The following USP15 variants were observed in gnomAD, a reference collection of about 807,000 sequenced individuals.
The protein encoded by USP15 is ubiquitin carboxyl-terminal hydrolase 15.
Under a neutral mutation model 127.1 loss-of-function variants are expected in USP15, and 18 were observed. That is an observed-to-expected ratio of 0.14 (90% CI 0.10 to 0.21). The LOEUF is 0.21. Ranked by LOEUF, USP15 falls within the 10% of genes least tolerant of loss-of-function variation. The pLI is 1.00. For synonymous variants in USP15, 364 were observed against 393.7 expected (o/e 0.92, Z 0.89); for missense variants, 805 against 1,159.9 (o/e 0.69, Z 4.44).
intron 3 of USP15, among the ~76,000 whole-genome samples, chr12:62,306,874 A>G (rs1259900347): frequency 6.6e-6 from 1 of 152,162 alleles, no homozygotes; most frequent in South Asian, 2.1e-4. Context: ...GCCTCACAGT[A>G]CTATTCAGAC....
chr12:62,260,602 A>G, intron 1 of USP15, 99 bp downstream of exon 1: 1 of 1,231,778 alleles, frequency 8.1e-7, no homozygotes, highest in Non-Finnish European at 1.1e-6. Flanking sequence ...AGGTGCGGGC[A>G]GGTCCGGCGG....
At chr12:62,353,470 C>CGT (rs745633337) in intron 7 of USP15, among the ~76,000 whole-genome samples, 27 of 151,134 alleles carry the variant, frequency 1.8e-4, no homozygotes, top group African/African-American at 3.6e-4. Flanking sequence ...AGTCTTTTCA[C>CGT]GTGTGTGTGT....
At chr12:62,391,060 A>G in intron 15 of USP15, 81 bp downstream of exon 15, 3 of 1,513,390 alleles carry the variant, frequency 2.0e-6, no homozygotes, top group South Asian at 1.3e-5. Flanking sequence ...TGGGAATTAA[A>G]GAACTAAAAA....
intron 1 of USP15, among the ~76,000 whole-genome samples, chr12:62,272,073 A>C (rs1436838354): frequency 6.6e-6 from 1 of 151,760 alleles, no homozygotes. Context: ...TCAGTGAAAT[A>C]TCTGATTTAT....
At chr12:62,355,295 T>C in intron 7 of USP15, 36 bp from the exon 8 acceptor site, 1 of 1,548,364 alleles carries the variant, frequency 6.5e-7, no homozygotes, top group Non-Finnish European at 8.7e-7. Context: ...TGTTGTAATA[T>C]AATTGGCTGC....
rs2067853643 is a variant in USP15, at chr12:62,405,958, AGCT to A, written c.*1587_*1589del. On this transcript the variant is annotated 3_prime_UTR_variant, in exon 22 of 22. Transcript: ENST00000280377. ...TGGTTTATCATCCTGGTATTTTAAA[AGCT>A]GCTTTGGGGTTTTTTTTTTCTTTTT... The A allele has an allele frequency of 6.7e-6, 1 of 150,140 alleles. No individual in the cohort carries two copies. Among genetic ancestry groups the A allele is most frequent in the Non-Finnish European group, 1.5e-5 (1 of 67,496 alleles). The allele number at this position is 150,140 out of a possible 1,614,324, so 9.3% of individuals were successfully genotyped here. A position where few individuals can be genotyped will look rare whatever the true frequency, so the allele number is the denominator to read the frequency against.
chr12:62,361,111 C>T (rs180753768), intron 8 of USP15, among the ~76,000 whole-genome samples: 2 of 152,126 alleles, frequency 1.3e-5, no homozygotes, highest in Non-Finnish European at 2.9e-5. Flanking sequence ...CCTACGTTCT[C>T]AGACAGATTA....
At chr12:62,347,647 C>T (rs976818606) in intron 6 of USP15, among the ~76,000 whole-genome samples, 1 of 151,914 alleles carries the variant, frequency 6.6e-6, no homozygotes, top group African/African-American at 2.4e-5. Context: ...AAACTACTAT[C>T]TGGGAATATT....
rs181873616 is a variant in USP15 at position 62,361,691 on chromosome 12, A to G, written c.915+6216A>G. ...CAATCTGTAGTCTGTAATGGGAACT[A>G]CAGATTTGCTCCCTCCCTCCAAGAA... is the stretch of plus-strand genomic sequence containing the variant. On this transcript the variant is annotated intron_variant, in intron 8 of 21. Transcript: ENST00000280377. 1.1e-4 allele frequency among the ~76,000 whole-genome samples: 16 copies of G among 152,098 alleles called. No homozygotes were observed. The East Asian group carries it at 3.1e-3, about 29-fold the overall frequency.
intron 5 of USP15, among the ~76,000 whole-genome samples, chr12:62,325,381 A>C (rs1210377957): frequency 6.6e-6 from 1 of 151,980 alleles, no homozygotes; most frequent in African/African-American, 2.4e-5. Flanking sequence ...ACCCCAAATA[A>C]ATTCTACATA....
chr12:62,391,097 A>G, intron 15 of USP15, 60 bp from the exon 16 acceptor site: 7 of 1,509,626 alleles, frequency 4.6e-6, no homozygotes, highest in Non-Finnish European at 6.2e-6. Flanking sequence ...GATTAATAAT[A>G]TTAATAATTT....
intron 1 of USP15, among the ~76,000 whole-genome samples, chr12:62,289,553 T>G (rs2063892270): frequency 6.6e-6 from 1 of 152,150 alleles, no homozygotes. Context: ...AAGAACTAAC[T>G]TTTCATTTCA....
chr12:62,286,127 A>C (rs184348878), intron 1 of USP15, among the ~76,000 whole-genome samples: 2 of 152,272 alleles, frequency 1.3e-5, no homozygotes, highest in East Asian at 3.9e-4. Flanking sequence ...ATGGGAGAAA[A>C]TATTTTCAAA....
intron 19 of USP15, 38 bp from the exon 20 acceptor site, chr12:62,396,257 G>A (rs752712492): frequency 1.3e-6 from 2 of 1,512,532 alleles, no homozygotes; most frequent in Non-Finnish European, 1.8e-6. Context: ...TGCATTTAGG[G>A]ACAACATAAA....
intron 8 of USP15, among the ~76,000 whole-genome samples, chr12:62,379,978 T>C (rs959677486): frequency 6.6e-6 from 1 of 152,044 alleles, no homozygotes; most frequent in Non-Finnish European, 1.5e-5. Context: ...GGAAGCATCC[T>C]TTCTCTTAAT....
chr12:62,379,526 A>C (rs955999549), intron 8 of USP15, among the ~76,000 whole-genome samples: 3 of 152,156 alleles, frequency 2.0e-5, no homozygotes, highest in African/African-American at 7.2e-5. Context: ...TTCCAAGATA[A>C]GAGTATATGT....
At chr12:62,394,007 A>G (rs2067403504) in intron 19 of USP15, 1 of 152,260 alleles carries the variant, frequency 6.6e-6, no homozygotes, top group South Asian at 2.1e-4. Flanking sequence ...CCATTATATG[A>G]CATCATATTT....
chr12:62,332,410 C>CT (rs1023171750), intron 6 of USP15, among the ~76,000 whole-genome samples: 19 of 149,112 alleles, frequency 1.3e-4, no homozygotes, highest in South Asian at 2.1e-4. Flanking sequence ...AATTTCATTT[C>CT]TTTTTTTTTA....
chr12:62,263,031 A>G (rs1001699333), intron 1 of USP15, among the ~76,000 whole-genome samples: 1 of 152,228 alleles, frequency 6.6e-6, no homozygotes, highest in Non-Finnish European at 1.5e-5. Context: ...CCAAAAACAA[A>G]GTAGTAGAGA....
Sources: gnomAD v4.1 joint callset for allele counts (sites outside exome capture counted in the v4.1 genomes callset) on GRCh38, gnomAD v4.1.1 for gene constraint, MANE v1.5 for transcripts, NCBI Gene and HGNC (gene_info 2026-07-23, HGNC 2026-07-21) for gene names.